Variants in KRT32 observed in about 807,000 individuals in gnomAD.
KRT32 encodes the protein keratin 32.
KRT32 carries 44 observed loss-of-function variants against 41.8 expected under a neutral mutation model. The observed-to-expected ratio is 1.05, with a 90% CI of 0.83 to 1.35. The LOEUF (loss-of-function observed/expected upper bound fraction) is 1.35, where lower values mean the gene tolerates loss of function less well. KRT32 is among the 40% of genes most tolerant of loss of function. The probability of loss-of-function intolerance (pLI) is 0.00; values close to 1 mark genes in which losing one functional copy is unlikely to be tolerated. For synonymous variants in KRT32, 238 were observed against 242.5 expected, an observed-to-expected ratio of 0.98 and a Z score of 0.17; for missense variants, 576 against 584.6, an observed-to-expected ratio of 0.99 and a Z score of 0.15.
chr17:41,464,257 G>A (rs1357862591), intron 4 of KRT32, 25 bp downstream of exon 4: 1 of 1,584,566 alleles, frequency 6.3e-7, no homozygotes, highest in Non-Finnish European at 8.6e-7. Context: ...TATGGAGGAG[G>A]CCATCCCCAC....
intron 5 of KRT32, among the ~76,000 whole-genome samples, chr17:41,463,608 G>A (rs1487557263): frequency 6.6e-6 from 1 of 152,198 alleles, no homozygotes; most frequent in Non-Finnish European, 1.5e-5. Context: ...GGGAGGCTGA[G>A]GCAGGAAAAT....
rs1399773822 is a variant in KRT32, at chr17:41,465,080, C to T, written c.709-637G>A. Among the ~76,000 whole-genome samples the T allele has an allele frequency of 2.7e-5, 4 of 147,100 alleles. No homozygotes were observed. The East Asian group carries it at 5.8e-4, about 21-fold the overall frequency. On this transcript the variant is annotated intron_variant, in intron 3 of 6. Coordinates refer to ENST00000225899, the MANE Select transcript of KRT32 (RefSeq NM_002278.3). ...CCAAGTCAAGAGGTTGAGAGTCAAC[C>T]AGGGAGGGGGGAAAAACACCATGGC...
intron 3 of KRT32, among the ~76,000 whole-genome samples, chr17:41,465,427 G>A (rs935380466): frequency 1.3e-5 from 2 of 151,472 alleles, no homozygotes; most frequent in Non-Finnish European, 2.9e-5. Context: ...AGAAAAAAAT[G>A]CAGTTGCCAC....
chr17:41,467,102 C>T lies in KRT32; in HGVS notation c.224G>A (p.Ser75Asn). 1 of 1,614,230 alleles carries T rather than the reference C, an allele frequency of 6.2e-7. No homozygotes were observed. The highest frequency in any genetic ancestry group is 8.5e-7 in the Non-Finnish European group (1 of 1,180,040). Residue 75 changes from serine (S) to asparagine (N), a missense_variant, in exon 1 of 7, where the codon AGT becomes AAT. Ser to Asn is a conservative substitution (Grantham distance 46). Transcript: ENST00000225899. ...TYLSSSCQAA[S>N]GISGSMGPGS... is the part of the protein sequence containing the mutation. Reference sequence around the variant, plus strand: ...GGGGCCCATGGAGCCGGAGATGCCACTGGCTGCCTGGCAGGAACTGGATAG... The same window carrying T: ...GGGGCCCATGGAGCCGGAGATGCCATTGGCTGCCTGGCAGGAACTGGATAG...
At chr17:41,460,312 C>T in intron 6 of KRT32, 73 bp from the exon 7 acceptor site, 1 of 1,507,888 alleles carries the variant, frequency 6.6e-7, no homozygotes, top group Non-Finnish European at 9.0e-7. Flanking sequence ...GCCAATTCTC[C>T]CCTCGGATGC....
At chr17:41,465,328 G>C (rs1157819639) in intron 3 of KRT32, among the ~76,000 whole-genome samples, 1 of 152,118 alleles carries the variant, frequency 6.6e-6, no homozygotes, top group Non-Finnish European at 1.5e-5. Flanking sequence ...GAGCCAGGCA[G>C]AGATGGACAG....
In KRT32 at chr17:41,467,336, C is replaced by T; in HGVS notation, c.-11G>A. 1.3e-6 allele frequency: 2 copies of T among 1,585,242 alleles called. No homozygotes were observed. Among genetic ancestry groups the T allele is most frequent in the Non-Finnish European group, 1.7e-6 (2 of 1,162,300 alleles). On this transcript the variant is annotated 5_prime_UTR_variant, in exon 1 of 7. Coordinates refer to ENST00000225899, the MANE Select transcript of KRT32 (RefSeq NM_002278.3). ...GCAGGAGGATGTCATGTTGGAGAGG[C>T]CCTTTCTCCTCAGCCACAGCTACCT... is the stretch of plus-strand genomic sequence containing the variant.
chr17:41,462,711 G>C (rs927251121), intron 6 of KRT32, 119 bp downstream of exon 6: 5 of 1,099,398 alleles, frequency 4.5e-6, no homozygotes, highest in Non-Finnish European at 6.5e-6. Flanking sequence ...CTTCTTAATG[G>C]CTCCATAGTC....
chr17:41,467,372 A>T lies in KRT32; in HGVS notation c.-47T>A. 7.0e-7 allele frequency: 1 copy of T among 1,431,742 alleles called. No individual in the cohort carries two copies. Among genetic ancestry groups the T allele is most frequent in the Non-Finnish European group, 9.5e-7 (1 of 1,052,576 alleles). 88.7% of individuals were successfully genotyped at this position (1,431,742 alleles called of 1,614,324 possible). ...CAGCCACAGCTACCTGGATGTCTACAGACCCCATGCCGCCCGGGCCATTTT... is the reference window on the plus strand; with the variant it reads ...CAGCCACAGCTACCTGGATGTCTACTGACCCCATGCCGCCCGGGCCATTTT... On this transcript the variant is annotated 5_prime_UTR_variant, in exon 1 of 7. Transcript: ENST00000225899.
Position 41,466,193 on chromosome 17 carries a change from A to G in KRT32, c.469-17T>C, listed in dbSNP as rs2144453574. The G allele has an allele frequency of 6.2e-7, 1 of 1,608,322 alleles. No homozygotes were observed. Among genetic ancestry groups the G allele is most frequent in the Non-Finnish European group, 8.5e-7 (1 of 1,175,670 alleles). ...ACACAGAATCTGTAGGCCAAGGCAC[A>G]TGGAGAGGGTTAGTTCAGGATGAGA... On this transcript the variant is annotated splice_polypyrimidine_tract_variant and intron_variant, in intron 1 of 6. Coordinates refer to ENST00000225899, the MANE Select transcript of KRT32 (RefSeq NM_002278.3).
chr17:41,462,106 A>G (rs2019006481), intron 6 of KRT32, among the ~76,000 whole-genome samples: 1 of 152,124 alleles, frequency 6.6e-6, no homozygotes, highest in Non-Finnish European at 1.5e-5. Context: ...AGCATCTACT[A>G]TGTGCCACGT....
At chr17:41,464,046 G>A (rs374508998) in intron 5 of KRT32, 32 bp downstream of exon 5, 51 of 1,538,422 alleles carry the variant, frequency 3.3e-5, no homozygotes, top group Non-Finnish European at 4.1e-5. Context: ...CCTAGGATCC[G>A]GAGGGATGGG....
rs763279345 is a variant in KRT32, at chr17:41,464,091, G to A, written c.983C>T (p.Ala328Val). 8.1e-6 allele frequency: 13 copies of A among 1,600,908 alleles called. No individual in the cohort carries two copies. The highest frequency in any genetic ancestry group is 6.0e-6 in the Non-Finnish European group (7 of 1,173,236). The change falls in exon 5 of 7, where the codon GCC becomes GTC. Residue 328 changes from alanine (A) to valine (V), a missense_variant. Ala to Val is a moderately conservative substitution (Grantham distance 64). Transcript: ENST00000225899. ...TVNTLEIELQ[A>V]QHSLRDSLEN... is the part of the protein sequence containing the mutation. ...AGCAGCTCTCACCAGGCTGTGCTGG[G>A]CCTGCAGCTCGATCTCCAGCGTGTT...
intron 2 of KRT32, 24 bp downstream of exon 2, chr17:41,466,070 C>T (rs1200184102): frequency 1.2e-6 from 2 of 1,613,358 alleles, no homozygotes; most frequent in South Asian, 2.2e-5. Flanking sequence ...TCCTCCCCAG[C>T]TCCAGCCCCC....
In KRT32 at chr17:41,464,117, G is replaced by T. The variant is rs1315948476; in HGVS notation, c.957C>A (p.Val319=). The T allele has an allele frequency of 2.5e-5, 41 of 1,611,660 alleles. No individual in the cohort carries two copies. The highest frequency in any genetic ancestry group is 5.0e-5 in the Admixed American group (3 of 59,840). ...QSDIIDLRRT[V]NTLEIELQAQ... The stretch of plus-strand genomic sequence containing the variant: ...CCTGCAGCTCGATCTCCAGCGTGTT[G>T]ACCGTGCGTCTCAGGTCAATGATGT... The change falls in exon 5 of 7, where the codon GTC becomes GTA. Residue 319 remains valine, a synonymous_variant. Transcript: ENST00000225899.
rs2018987334 is a variant in KRT32, at chr17:41,460,209, G to A, written c.1248C>T (p.Ser416=). ...KLPCNPCSTP[S]CTTCVPSPCV... ...ATGGGGAGGGCACACAGGTGGTGCA[G>A]GAAGGAGTGGAGCATGGGTTACAGG... The change falls in exon 7 of 7, where the codon TCC becomes TCT. Residue 416 remains serine (S), a synonymous_variant. Coordinates refer to ENST00000225899, the MANE Select transcript of KRT32 (RefSeq NM_002278.3). The A allele has an allele frequency of 1.2e-6, 2 of 1,608,334 alleles. No individual in the cohort carries two copies. Among genetic ancestry groups the A allele is most frequent in the African/African-American group, 1.3e-5 (1 of 74,926 alleles).
chr17:41,462,947 T>A lies in KRT32; in HGVS notation c.1100A>T (p.Glu367Val), dbSNP rs1201619894. ...MITNVEAQLA[E>V]IRADLERQNQ... Reference sequence around the variant, plus strand: ...CTGCCGCTCCAGGTCAGCCCGGATCTCAGCCAGCTGGGCCTCAACGTTGGT... The same window carrying A: ...CTGCCGCTCCAGGTCAGCCCGGATCACAGCCAGCTGGGCCTCAACGTTGGT... Residue 367 changes from glutamate (E) to valine (V), a missense_variant, in exon 6 of 7, where the codon GAG becomes GTG. Glu to Val is a moderately radical substitution (Grantham distance 121). Coordinates refer to ENST00000225899, the MANE Select transcript of KRT32 (RefSeq NM_002278.3). 1 of 1,614,104 alleles carries A rather than the reference T, an allele frequency of 6.2e-7. No homozygotes were observed. Among genetic ancestry groups the A allele is most frequent in the East Asian group, 2.2e-5 (1 of 44,876 alleles).
Position 41,465,757 on chromosome 17 carries a change from G to A in KRT32, c.708+16C>T. 1 of 1,601,480 alleles carries A rather than the reference G, an allele frequency of 6.2e-7. No individual in the cohort carries two copies. Among genetic ancestry groups the A allele is most frequent in the Non-Finnish European group, 8.5e-7 (1 of 1,172,078 alleles). ...TCTGCTTCCCGGGGCCACTTCAGCG[G>A]GACTTCCAGCCTCACCTCCTCATGG... On this transcript the variant is annotated intron_variant, in intron 3 of 6. Coordinates refer to ENST00000225899, the MANE Select transcript of KRT32 (RefSeq NM_002278.3).
intron 6 of KRT32, 129 bp downstream of exon 6, chr17:41,462,701 C>T: frequency 1.3e-5 from 13 of 1,020,060 alleles, no homozygotes; most frequent in East Asian, 7.8e-5. Flanking sequence ...AGCATACCAG[C>T]TTCTTAATGG....
Sources: gnomAD v4.1 joint callset for allele counts (sites outside exome capture counted in the v4.1 genomes callset) on GRCh38, gnomAD v4.1.1 for gene constraint, MANE v1.5 for transcripts, NCBI Gene and HGNC (gene_info 2026-07-23, HGNC 2026-07-21) for gene names.